The following IL16 variants were observed in gnomAD, a reference collection of about 807,000 sequenced individuals.
The protein encoded by IL16 is interleukin 16.
In IL16, 67 loss-of-function variants were observed where a neutral mutation model predicts 110.1. The observed-to-expected ratio is 0.61, with a 90% confidence interval of 0.50 to 0.75. The LOEUF is 0.75. IL16 is among the 30% of genes least tolerant of loss of function. The pLI is 0.00. For missense variants in IL16, 1,545 were observed against 1,655.0 expected (o/e 0.93, Z 1.15); for synonymous variants, 689 against 662.9 (o/e 1.04, Z -0.61).
intron 1 of IL16, among the ~76,000 whole-genome samples, chr15:81,190,050 G>A (rs1895475421): frequency 6.6e-6 from 1 of 152,106 alleles, no homozygotes; most frequent in African/African-American, 2.4e-5. Context: ...CGCAGGCCAG[G>A]GCCCCTGGCC....
chr15:81,251,053 G>A (rs1243303379), intron 2 of IL16, among the ~76,000 whole-genome samples: 2 of 152,118 alleles, frequency 1.3e-5, no homozygotes, highest in African/African-American at 4.8e-5. Flanking sequence ...GGCTCTGCTT[G>A]TTTCTCAGAA....
At chr15:81,274,127 T>C (rs1898787115) in intron 6 of IL16, among the ~76,000 whole-genome samples, 2 of 152,214 alleles carry the variant, frequency 1.3e-5, no homozygotes, top group African/African-American at 4.8e-5. Context: ...CACTCTTCTC[T>C]GTCAGCTCGC....
At chr15:81,198,157 A>C (rs1345201531) in intron 1 of IL16, among the ~76,000 whole-genome samples, 1 of 152,018 alleles carries the variant, frequency 6.6e-6, no homozygotes, top group Non-Finnish European at 1.5e-5. Flanking sequence ...TGAAGCCTCT[A>C]CTGCTCATTT....
chr15:81,300,432 G>T lies in IL16; in HGVS notation c.3106G>T (p.Gly1036Cys), dbSNP rs1567045465. 1 of 1,614,088 alleles carries T rather than the reference G, an allele frequency of 6.2e-7. No individual in the cohort carries two copies. The change falls in exon 14 of 19, where the codon GGT (glycine) becomes TGT (cysteine). Residue 1036 changes from glycine to cysteine, a missense_variant. By Grantham distance (159) the Gly-to-Cys change is radical (BLOSUM62 -3). Around this residue, in one of 3 missense-constraint regions of IL16, gnomAD observed 356 missense variants for 399.3 expected, o/e 0.89. Coordinates refer to ENST00000683961, the MANE Select transcript of IL16 (RefSeq NM_172217.5). ...ATCCAACGAAGACTCAGCTGCAAAT[G>T]GTTCTGCTGAAACATCTGCCTTGGA... ...SSSNEDSAAN[G>C]SAETSALDTG...
chr15:81,293,077 A>C (rs367864804), intron 12 of IL16, 40 bp downstream of exon 12: 8 of 1,552,190 alleles, frequency 5.2e-6, no homozygotes, highest in Non-Finnish European at 6.9e-6. Context: ...TTCCAGGACC[A>C]GACTCAAATC....
chr15:81,279,796 C>G, intron 8 of IL16, 22 bp downstream of exon 8: 1 of 1,603,846 alleles, frequency 6.2e-7, no homozygotes. Flanking sequence ...GCAGCTGTGT[C>G]CCGTGCCTGG....
At chr15:81,203,101 C>T (rs1236164122) in intron 1 of IL16, among the ~76,000 whole-genome samples, 1 of 151,940 alleles carries the variant, frequency 6.6e-6, no homozygotes, top group Non-Finnish European at 1.5e-5. Context: ...TTTCATGTGT[C>T]TGTTGGCTGC....
intron 11 of IL16, 55 bp from the exon 12 acceptor site, chr15:81,292,501 G>T (rs569353854): frequency 1.2e-6 from 2 of 1,612,446 alleles, no homozygotes; most frequent in African/African-American, 1.3e-5. Flanking sequence ...AGGCCAGGGG[G>T]TATTTCTGTT....
chr15:81,270,373 T>C (rs1567027959), intron 5 of IL16, among the ~76,000 whole-genome samples: 1 of 152,226 alleles, frequency 6.6e-6, no homozygotes, highest in Non-Finnish European at 1.5e-5. Flanking sequence ...GGTTTCTTTA[T>C]GTAATATAAT....
At chr15:81,248,719 C>CTTTTTTTTTTTTTTTTTTTTTTT (rs61480285) in intron 2 of IL16, among the ~76,000 whole-genome samples, 3 of 112,216 alleles carry the variant, frequency 2.7e-5, no homozygotes, top group Non-Finnish European at 5.4e-5. Flanking sequence ...TTCTTTCTTT[C>CTTTTTTTTTTTTTTTTTTTTTTT]TTTTTTTTTT....
intron 8 of IL16, among the ~76,000 whole-genome samples, chr15:81,281,048 A>G (rs529430336): frequency 1.7e-4 from 26 of 152,328 alleles, no homozygotes; most frequent in Non-Finnish European, 3.2e-4. Context: ...GGTGAGGCCA[A>G]GGGATCCACA....
intron 14 of IL16, 40 bp from the exon 15 acceptor site, chr15:81,301,304 T>C: frequency 1.3e-6 from 2 of 1,543,350 alleles, no homozygotes; most frequent in Non-Finnish European, 1.8e-6. Flanking sequence ...CTCTTTTTAA[T>C]ATTGTTGTTC....
At chr15:81,205,751 CCAATTATATCCCA>C (rs138250163) in intron 1 of IL16, among the ~76,000 whole-genome samples, 7,758 of 152,146 alleles carry the variant, frequency 0.051, 350 homozygotes, top group East Asian at 0.16. Flanking sequence ...TCTCCCCAGT[CCAATTATATCCCA>C]CTTTCAAGAG....
chr15:81,266,558 A>C (rs946173916), intron 4 of IL16, among the ~76,000 whole-genome samples: 1 of 152,170 alleles, frequency 6.6e-6, no homozygotes. Flanking sequence ...TTTCAGCCCC[A>C]GCCAAAGCAC....
intron 10 of IL16, among the ~76,000 whole-genome samples, chr15:81,287,028 T>C (rs1356367037): frequency 6.6e-6 from 1 of 152,154 alleles, no homozygotes; most frequent in Non-Finnish European, 1.5e-5. Flanking sequence ...TATGACTCAA[T>C]TATCTCCCAC....
chr15:81,237,757 T>C (rs1897221622), intron 2 of IL16, among the ~76,000 whole-genome samples: 1 of 152,178 alleles, frequency 6.6e-6, no homozygotes, highest in Non-Finnish European at 1.5e-5. Flanking sequence ...GATTAGCATT[T>C]ACATGGTGTC....
chr15:81,284,038 A>G (rs1899326318), intron 9 of IL16, among the ~76,000 whole-genome samples: 1 of 151,264 alleles, frequency 6.6e-6, no homozygotes. Flanking sequence ...GAGAGAAGAT[A>G]TCAGTAAGAG....
chr15:81,304,648 T>A (rs1400166356), intron 16 of IL16, among the ~76,000 whole-genome samples: 5 of 152,186 alleles, frequency 3.3e-5, no homozygotes, highest in Non-Finnish European at 7.3e-5. Flanking sequence ...ATTGGTGGCA[T>A]TTATGCTTCT....
intron 9 of IL16, 23 bp from the exon 10 acceptor site, chr15:81,285,675 G>C (rs758930625): frequency 6.2e-7 from 1 of 1,613,086 alleles, no homozygotes; most frequent in Non-Finnish European, 8.5e-7. Context: ...CTTACTGATG[G>C]CTTCTTATTG....
Sources: gnomAD v4.1 joint callset for allele counts (sites outside exome capture counted in the v4.1 genomes callset) on GRCh38, gnomAD v4.1.1 for gene constraint, gnomAD v4.1.1 regional missense constraint, MANE v1.5 for transcripts, NCBI Gene and HGNC (gene_info 2026-07-23, HGNC 2026-07-21) for gene names.